Variants in CDH2 observed in about 807,000 individuals in gnomAD.
The protein encoded by CDH2 is cadherin-2.
In CDH2, 17 loss-of-function variants were observed where a neutral mutation model predicts 92.0. That is an observed-to-expected ratio of 0.18 (90% CI 0.13 to 0.28). The LOEUF is 0.28. Ranked by LOEUF, CDH2 falls within the 10% of genes least tolerant of loss-of-function variation. The pLI is 1.00. For missense variants in CDH2, 862 were observed against 1,133.1 expected, an observed-to-expected ratio of 0.76 and a Z score of 3.44; for synonymous variants, 419 against 415.9, an observed-to-expected ratio of 1.01 and a Z score of -0.09.
intron 13 of CDH2, among the ~76,000 whole-genome samples, chr18:27,983,809 G>GC (rs1412164086): frequency 2.6e-5 from 4 of 152,276 alleles, no homozygotes; most frequent in Non-Finnish European, 5.9e-5. Flanking sequence ...AATCCATCAT[G>GC]CCTAAGTCTT....
At chr18:27,969,951 G>T (rs1203646306) in intron 14 of CDH2, among the ~76,000 whole-genome samples, 1 of 152,182 alleles carries the variant, frequency 6.6e-6, no homozygotes, top group Non-Finnish European at 1.5e-5. Flanking sequence ...AGTGAGCCAA[G>T]ATCGTGCCAT....
At chr18:28,053,490 AT>A (rs2014232663) in intron 2 of CDH2, among the ~76,000 whole-genome samples, 1 of 152,212 alleles carries the variant, frequency 6.6e-6, no homozygotes, top group African/African-American at 2.4e-5. Flanking sequence ...TTCATGCTAA[AT>A]GAAAGTAATG....
intron 1 of CDH2, among the ~76,000 whole-genome samples, chr18:28,148,846 A>G (rs1334555269): frequency 6.6e-6 from 1 of 152,222 alleles, no homozygotes; most frequent in Non-Finnish European, 1.5e-5. Flanking sequence ...TATGCATGTG[A>G]AATTTTGCAA....
At chr18:28,016,747 T>C (rs568316346) in intron 2 of CDH2, among the ~76,000 whole-genome samples, 1 of 152,216 alleles carries the variant, frequency 6.6e-6, no homozygotes, top group East Asian at 1.9e-4. Context: ...AGCTTTAATA[T>C]AAAACAATAA....
At chr18:27,992,902 T>C (rs757666670) in intron 8 of CDH2, 62 bp from the exon 9 acceptor site, 508 of 1,276,332 alleles carry the variant, frequency 4.0e-4, no homozygotes, top group Non-Finnish European at 5.2e-4. Context: ...CAACTTGTCT[T>C]GATGACCACA....
At position 28,130,570 on chromosome 18, in the gene CDH2, A is replaced by T. The variant is rs193257929; in HGVS notation, c.172+17103T>A. ...CCTGTGAAACCATGGCACCAAGCCT[A>T]GCTGAGATGCAGAAGACAGAATTCA... On this transcript the variant is annotated intron_variant, in intron 2 of 15. Coordinates refer to ENST00000269141, the MANE Select transcript of CDH2 (RefSeq NM_001792.5). 1.1e-3 allele frequency among the ~76,000 whole-genome samples: 161 copies of T among 152,350 alleles called. 1 individual carries two copies. Among genetic ancestry groups the T allele is most frequent in the Non-Finnish European group, 1.6e-3 (106 of 68,038 alleles).
chr18:28,035,447 T>A (rs2013802053), intron 2 of CDH2, among the ~76,000 whole-genome samples: 1 of 152,084 alleles, frequency 6.6e-6, no homozygotes, highest in Admixed American at 6.6e-5. Flanking sequence ...GTTTGGCGAA[T>A]TTTTACAAAA....
chr18:28,045,670 C>A (rs532263156), intron 2 of CDH2: 4 of 275,600 alleles, frequency 1.5e-5, no homozygotes, highest in Non-Finnish European at 2.9e-5. Flanking sequence ...ACAAAGCCCT[C>A]CCCCACATGT....
intron 5 of CDH2, 119 bp from the exon 6 acceptor site, chr18:28,006,112 T>C: frequency 2.6e-6 from 2 of 762,846 alleles, no homozygotes; most frequent in Non-Finnish European, 4.2e-6. Context: ...ACAAAAGCGG[T>C]TCTTCCCATC....
chr18:28,092,900 C>T (rs1181712957), intron 2 of CDH2, among the ~76,000 whole-genome samples: 1 of 152,074 alleles, frequency 6.6e-6, no homozygotes. Context: ...CTATGCCACC[C>T]CCTACATTTA....
Position 28,034,055 on chromosome 18 carries a change from T to C in CDH2, c.173-20146A>G, listed in dbSNP as rs551188224. 9.1e-4 allele frequency among the ~76,000 whole-genome samples: 139 copies of C among 152,232 alleles called. 2 individuals are homozygous for C. The South Asian group carries it at 0.028, about 30-fold the overall frequency. On this transcript the variant is annotated intron_variant, in intron 2 of 15. Coordinates refer to ENST00000269141, the MANE Select transcript of CDH2 (RefSeq NM_001792.5). ...AAGAAATTACATTGATAATCATTTT[T>C]TTATCAATTCTTTCTGGTTTGGTGA...
intron 7 of CDH2, among the ~76,000 whole-genome samples, chr18:27,999,862 A>T (rs1218607752): frequency 2.0e-5 from 3 of 151,938 alleles, no homozygotes; most frequent in Non-Finnish European, 2.9e-5. Flanking sequence ...TAACTGAATC[A>T]TGGGGGCAGT....
intron 2 of CDH2, among the ~76,000 whole-genome samples, chr18:28,020,100 G>A (rs765922164): frequency 1.3e-5 from 2 of 152,020 alleles, no homozygotes; most frequent in Non-Finnish European, 2.9e-5. Flanking sequence ...ACTGGTCAAG[G>A]TTTATTGCCT....
At chr18:28,011,337 G>A (rs1301572422) in intron 4 of CDH2, among the ~76,000 whole-genome samples, 1 of 151,458 alleles carries the variant, frequency 6.6e-6, no homozygotes, top group Non-Finnish European at 1.5e-5. Context: ...GAAAGCCTAT[G>A]ATTTTACACT....
chr18:28,038,465 A>ATG (rs1234841014), intron 2 of CDH2, among the ~76,000 whole-genome samples: 1 of 128,582 alleles, frequency 7.8e-6, no homozygotes, highest in African/African-American at 2.8e-5. Flanking sequence ...GTGTGTGTCT[A>ATG]TGTGTGTGTA....
chr18:27,984,233 A>C (rs1162561850), intron 13 of CDH2, among the ~76,000 whole-genome samples: 1 of 152,240 alleles, frequency 6.6e-6, no homozygotes, highest in African/African-American at 2.4e-5. Context: ...CATTTTCAAG[A>C]AAGTGATTGG....
At chr18:28,041,221 T>A (rs1599056009) in intron 2 of CDH2, among the ~76,000 whole-genome samples, 1 of 152,356 alleles carries the variant, frequency 6.6e-6, no homozygotes, top group East Asian at 1.9e-4. Flanking sequence ...TATCATTTGA[T>A]ACATTCTTCA....
intron 11 of CDH2, among the ~76,000 whole-genome samples, chr18:27,987,896 C>T (rs1202490301): frequency 6.6e-6 from 1 of 152,144 alleles, no homozygotes; most frequent in Non-Finnish European, 1.5e-5. Flanking sequence ...GTCTGAAACA[C>T]ACATCGTACT....
intron 3 of CDH2, 103 bp from the exon 4 acceptor site, chr18:28,012,095 T>C: frequency 1.0e-6 from 1 of 978,490 alleles, no homozygotes; most frequent in Non-Finnish European, 1.5e-6. Context: ...CACAGTTTAT[T>C]ATGAACAAAA....
Sources: gnomAD v4.1 joint callset for allele counts (sites outside exome capture counted in the v4.1 genomes callset) on GRCh38, gnomAD v4.1.1 for gene constraint, MANE v1.5 for transcripts, NCBI Gene and HGNC (gene_info 2026-07-23, HGNC 2026-07-21) for gene names.